SRGAP2B: variants seen among roughly 807,000 people sequenced by gnomAD.
SRGAP2B encodes the protein SLIT-ROBO Rho GTPase activating protein 2B, also known as SLIT-ROBO Rho GTPase-activating protein 2B.
SRGAP2B carries 9 observed loss-of-function variants against 22.2 expected under a neutral mutation model. That is an observed-to-expected ratio of 0.41 (90% confidence interval 0.24 to 0.71). The LOEUF (loss-of-function observed/expected upper bound fraction) is 0.71, where lower values mean the gene tolerates loss of function less well. SRGAP2B is among the 30% of genes least tolerant of loss of function. The pLI is 0.35. For synonymous variants in SRGAP2B, 36 were observed against 87.4 expected (o/e 0.41, Z 3.28); for missense variants, 114 against 235.8 (o/e 0.48, Z 3.38).
intron 2 of SRGAP2B, among the ~76,000 whole-genome samples, chr1:145,044,650 TAAAAAAAAAAAAAAAAAAAAAAAAA>T (rs1184404731): frequency 0.011 from 340 of 30,578 alleles, 3 homozygotes; most frequent in Middle Eastern, 0.077. Flanking sequence ...AACCCCCTCC[TAAAAAAAAAAAAAAAAAAAAAAAAA>T]AAAAAAAAAA....
intron 2 of SRGAP2B, among the ~76,000 whole-genome samples, chr1:145,009,222 T>G (rs1393579406): frequency 1.4e-5 from 2 of 147,918 alleles, no homozygotes; most frequent in East Asian, 4.0e-4. Flanking sequence ...ATTGAAATAT[T>G]CAAAGATAAA....
intron 4 of SRGAP2B, among the ~76,000 whole-genome samples, chr1:144,923,337 G>C (rs1381950763): frequency 6.6e-6 from 1 of 150,536 alleles, no homozygotes; most frequent in African/African-American, 2.5e-5. Flanking sequence ...ATTTGGCTGG[G>C]GGCGTAATGT....
At chr1:144,916,156 T>A (rs1342977279) in intron 4 of SRGAP2B, among the ~76,000 whole-genome samples, 1 of 149,914 alleles carries the variant, frequency 6.7e-6, no homozygotes, top group Non-Finnish European at 1.5e-5. Flanking sequence ...AAAACAAAAG[T>A]AACTCTTAAA....
At chr1:144,931,528 G>A (rs1266196200) in intron 4 of SRGAP2B, among the ~76,000 whole-genome samples, 22 of 150,664 alleles carry the variant, frequency 1.5e-4, no homozygotes, top group African/African-American at 5.5e-4. Flanking sequence ...CTGCAGAAAA[G>A]GTTGTGATTC....
At chr1:145,089,267 T>A (rs1252571213) in intron 2 of SRGAP2B, among the ~76,000 whole-genome samples, 1 of 150,672 alleles carries the variant, frequency 6.6e-6, no homozygotes, top group East Asian at 1.9e-4. Flanking sequence ...AAGTCAGACA[T>A]TGAGAGGCAT....
rs1201690389 is a variant in SRGAP2B, at chr1:145,093,814, G to C, written c.-542-371C>G. Among the ~76,000 whole-genome samples the C allele has an allele frequency of 4.1e-3, 590 of 144,008 alleles. 28 individuals carry two copies. Among genetic ancestry groups the C allele is most frequent in the African/African-American group, 0.015 (573 of 37,270 alleles). The allele number at this position is 144,008 out of a possible 152,430, so 94.5% of individuals were successfully genotyped here. A position where few individuals can be genotyped will look rare whatever the true frequency, so the allele number is the denominator to read the frequency against. ...CCGACGTGGCCCCAGACCCCCGGCC[G>C]GGGCACCTCCCTGTACATCAAAGGG... is the stretch of plus-strand genomic sequence containing the variant. On this transcript the variant is annotated intron_variant, in intron 1 of 9. Transcript: ENST00000612199.
At chr1:144,932,548 T>A (rs1483319913) in intron 4 of SRGAP2B, among the ~76,000 whole-genome samples, 1 of 149,396 alleles carries the variant, frequency 6.7e-6, no homozygotes, top group Non-Finnish European at 1.5e-5. Context: ...ACCCTAGGCA[T>A]AAAGAGTGGA....
chr1:145,061,654 C>T (rs1553631493), intron 2 of SRGAP2B, among the ~76,000 whole-genome samples: 1 of 149,218 alleles, frequency 6.7e-6, no homozygotes, highest in East Asian at 2.0e-4. Flanking sequence ...GTGGTGTGAT[C>T]TCGGCTCACT....
At chr1:144,915,786 C>A (rs782670741) in intron 4 of SRGAP2B, among the ~76,000 whole-genome samples, 1 of 150,710 alleles carries the variant, frequency 6.6e-6, no homozygotes, top group Non-Finnish European at 1.5e-5. Context: ...AATTGTCACA[C>A]CTTCTATACT....
At chr1:144,926,952 T>C (rs1558755267) in intron 4 of SRGAP2B, among the ~76,000 whole-genome samples, 2 of 151,828 alleles carry the variant, frequency 1.3e-5, no homozygotes. Context: ...ATTTTTTTTC[T>C]TTTTTCTTTT....
chr1:144,940,862 T>C (rs7525519), intron 4 of SRGAP2B, among the ~76,000 whole-genome samples: 1 of 147,460 alleles, frequency 6.8e-6, no homozygotes, highest in Non-Finnish European at 1.5e-5. Context: ...GAAAAAGCTA[T>C]GGGACAGCCA....
chr1:144,997,505 T>C (rs1344640844), intron 2 of SRGAP2B, among the ~76,000 whole-genome samples: 1 of 149,706 alleles, frequency 6.7e-6, no homozygotes, highest in Non-Finnish European at 1.5e-5. Flanking sequence ...CAGTAACAGA[T>C]GTACAGGGGA....
At chr1:144,892,711 GAATAA>G (rs1662204691) in intron 9 of SRGAP2B, among the ~76,000 whole-genome samples, 1 of 147,076 alleles carries the variant, frequency 6.8e-6, no homozygotes, top group African/African-American at 2.6e-5. Context: ...AAGGGAAAGA[GAATAA>G]AATAAATCTA....
chr1:145,020,914 C>T lies in SRGAP2B; in HGVS notation c.68-25714G>A, dbSNP rs587595276. ...TCCCTGGTTCAAGCAATTCTCATGCCTCAGCTTCCCAAGTAGCTGGGATTA... is the reference window on the plus strand; with the variant it reads ...TCCCTGGTTCAAGCAATTCTCATGCTTCAGCTTCCCAAGTAGCTGGGATTA... On this transcript the variant is annotated intron_variant, in intron 2 of 9. Coordinates refer to ENST00000612199, the Ensembl canonical transcript of SRGAP2B. Among the ~76,000 whole-genome samples the T allele has an allele frequency of 7.4e-4, 111 of 149,470 alleles. 2 individuals are homozygous for T. The highest frequency in any genetic ancestry group is 2.7e-3 in the African/African-American group (108 of 39,582).
At chr1:144,976,249 T>C (rs1284386834) in intron 3 of SRGAP2B, among the ~76,000 whole-genome samples, 2 of 146,324 alleles carry the variant, frequency 1.4e-5, no homozygotes, top group African/African-American at 5.5e-5. Context: ...ATGTGTGTTA[T>C]GGATAATAGG....
chr1:144,942,327 A>G (rs1553607512), intron 4 of SRGAP2B, among the ~76,000 whole-genome samples: 1 of 150,192 alleles, frequency 6.7e-6, no homozygotes, highest in Admixed American at 6.6e-5. Context: ...TCCCAAGACT[A>G]ATACGTTTTT....
At chr1:144,900,984 A>AT (rs1662630903) in intron 7 of SRGAP2B, among the ~76,000 whole-genome samples, 1 of 134,812 alleles carries the variant, frequency 7.4e-6, no homozygotes, top group Non-Finnish European at 1.6e-5. Flanking sequence ...ATGCATGAGG[A>AT]CAATGCCCTG....
At chr1:145,016,791 TGAGAATGTAAAAGCAAA>T (rs1672444066) in intron 2 of SRGAP2B, among the ~76,000 whole-genome samples, 1 of 147,376 alleles carries the variant, frequency 6.8e-6, no homozygotes, top group South Asian at 2.1e-4. Flanking sequence ...TAAAAATCAA[TGAGAATGTAAAAGCAAA>T]GTGTTACAGG....
intron 2 of SRGAP2B, among the ~76,000 whole-genome samples, chr1:145,035,999 A>T (rs1377429750): frequency 1.1e-4 from 15 of 138,300 alleles, no homozygotes; most frequent in African/African-American, 3.6e-4. Context: ...TCATACATTT[A>T]TTTTTTTACC....
Sources: gnomAD v4.1 joint callset for allele counts (sites outside exome capture counted in the v4.1 genomes callset) on GRCh38, gnomAD v4.1.1 for gene constraint, MANE v1.5 for transcripts, NCBI Gene and HGNC (gene_info 2026-07-23, HGNC 2026-07-21) for gene names.